DCLRE1C: variants seen among roughly 807,000 people sequenced by gnomAD.
DCLRE1C encodes the protein DNA cross-link repair 1C, also known as protein artemis.
DCLRE1C carries 47 observed loss-of-function variants against 61.4 expected under a neutral mutation model. The ratio of observed to expected loss-of-function variants is 0.77; its 90% CI spans 0.61 to 0.98. DCLRE1C has a LOEUF of 0.98. Ranked by LOEUF, DCLRE1C falls within the 50% of genes least tolerant of loss-of-function variation. DCLRE1C has a pLI of 0.00. For synonymous variants in DCLRE1C, 337 were observed against 287.6 expected (o/e 1.17, Z -1.74); for missense variants, 858 against 816.0 (o/e 1.05, Z -0.63).
chr10:14,939,897 A>G (rs566909472), intron 3 of DCLRE1C, 28 bp from the exon 4 acceptor site: 2 of 1,551,554 alleles, frequency 1.3e-6, no homozygotes, highest in East Asian at 4.5e-5. Context: ...GAGACCATGT[A>G]TATAGCAGTT....
rs1459486949 is a variant in DCLRE1C at position 14,909,199 on chromosome 10, T to C, written c.1288A>G (p.Arg430Gly). The change falls in exon 14 of 14, where the codon AGA becomes GGA. Residue 430 changes from arginine to glycine, a missense_variant. By Grantham distance (125) the Arg-to-Gly change is moderately radical (BLOSUM62 -2). Coordinates refer to ENST00000378278, the MANE Select transcript of DCLRE1C (RefSeq NM_001033855.3). ...AVSEKQPEKL[R>G]QTPGCCRAEC... Reference sequence around the variant, plus strand: ...GCTCTGCAGCATCCTGGGGTTTGTCTCAGTTTTTCAGGCTGCTTTTCTGAT... The same window carrying C: ...GCTCTGCAGCATCCTGGGGTTTGTCCCAGTTTTTCAGGCTGCTTTTCTGAT... 9 of 1,614,024 alleles carry C rather than the reference T, an allele frequency of 5.6e-6. No individual in the cohort carries two copies. In the African/African-American group the frequency reaches 9.3e-5, roughly 17 times the overall value.
chr10:14,939,264 C>A (rs1032457781), intron 4 of DCLRE1C, among the ~76,000 whole-genome samples: 1 of 152,084 alleles, frequency 6.6e-6, no homozygotes, highest in African/African-American at 2.4e-5. Context: ...TGGTGAAACC[C>A]CTTCTCTACT....
intron 6 of DCLRE1C, 111 bp downstream of exon 6, chr10:14,935,352 G>T (rs1589069349): frequency 8.3e-7 from 1 of 1,206,384 alleles, no homozygotes; most frequent in Non-Finnish European, 1.2e-6. Flanking sequence ...TGTTATCCCA[G>T]CTACTTGGGA....
Position 14,925,225 on chromosome 10 carries a change from T to TTA in DCLRE1C, c.972+1617_972+1618insTA, listed in dbSNP as rs1257254208. 1.1e-4 allele frequency among the ~76,000 whole-genome samples: 12 copies of TTA among 109,326 alleles called. No homozygotes were observed. In the South Asian group the frequency reaches 2.1e-3, roughly 19 times the overall value. The allele number at this position is 109,326 out of a possible 152,430, so 71.7% of individuals were successfully genotyped here. A position where few individuals can be genotyped will look rare whatever the true frequency, so the allele number is the denominator to read the frequency against. On this transcript the variant is annotated intron_variant, in intron 11 of 13. Coordinates refer to ENST00000378278, the MANE Select transcript of DCLRE1C (RefSeq NM_001033855.3). Reference sequence around the variant, plus strand: ...AGACTTTTGAAGGGAATAAAGGATTTAAAAAAAAAAAAAAAAAAAAAAAGT... The same window carrying TTA: ...AGACTTTTGAAGGGAATAAAGGATTTTAAAAAAAAAAAAAAAAAAAAAAAAGT...
At chr10:14,946,682 G>A (rs1841743630) in intron 2 of DCLRE1C, among the ~76,000 whole-genome samples, 1 of 151,728 alleles carries the variant, frequency 6.6e-6, no homozygotes, top group Non-Finnish European at 1.5e-5. Context: ...TTTTTTTAGG[G>A]GGAGGGGAGC....
In DCLRE1C at chr10:14,908,192, G is replaced by A. The variant is rs895091421; in HGVS notation, c.*216C>T. 14 of 139,172 alleles carry A rather than the reference G, an allele frequency of 1.0e-4. No individual in the cohort carries two copies. Among genetic ancestry groups the A allele is most frequent in the South Asian group, 5.3e-4 (3 of 5,666 alleles). 8.6% of individuals were successfully genotyped at this position (139,172 alleles called of 1,614,324 possible). A position where few individuals can be genotyped will look rare whatever the true frequency, so the allele number is the denominator to read the frequency against. On this transcript the variant is annotated 3_prime_UTR_variant, in exon 14 of 14. Transcript: ENST00000378278. ...TTTTTTTTTTTTTTTTTTTTTGTAA[G>A]TAGAGACACATTTCACTGTGTTGGC...
intron 13 of DCLRE1C, among the ~76,000 whole-genome samples, chr10:14,911,484 T>C (rs1049857059): frequency 1.3e-5 from 2 of 152,060 alleles, no homozygotes; most frequent in Admixed American, 6.6e-5. Context: ...AAACAAATTA[T>C]CAGAAATTCA....
rs549022210 is a variant in DCLRE1C, at chr10:14,907,827, C to T, written c.*581G>A. 6.8e-6 allele frequency: 1 copy of T among 148,048 alleles called. No homozygotes were observed. Among genetic ancestry groups the T allele is most frequent in the Non-Finnish European group, 1.5e-5 (1 of 67,588 alleles). 9.2% of individuals were successfully genotyped at this position (148,048 alleles called of 1,614,324 possible). ...TTTACATTTAATGTAATCATTGATACGTATGGGTTTAGTTCTACCATTTTT... is the reference window on the plus strand; with the variant it reads ...TTTACATTTAATGTAATCATTGATATGTATGGGTTTAGTTCTACCATTTTT... On this transcript the variant is annotated 3_prime_UTR_variant, in exon 14 of 14. Coordinates refer to ENST00000378278, the MANE Select transcript of DCLRE1C (RefSeq NM_001033855.3).
intron 8 of DCLRE1C, among the ~76,000 whole-genome samples, chr10:14,933,426 C>G (rs1839352825): frequency 6.6e-6 from 1 of 152,148 alleles, no homozygotes; most frequent in Non-Finnish European, 1.5e-5. Context: ...CACTTGAGGT[C>G]AGGAGATCGA....
intron 1 of DCLRE1C, among the ~76,000 whole-genome samples, chr10:14,951,576 A>G (rs1842472909): frequency 6.6e-6 from 1 of 152,054 alleles, no homozygotes; most frequent in South Asian, 2.1e-4. Flanking sequence ...TGCCTTCAAC[A>G]CCAAAAAGGT....
At chr10:14,940,605 G>C (rs1291470437) in intron 3 of DCLRE1C, among the ~76,000 whole-genome samples, 1 of 152,076 alleles carries the variant, frequency 6.6e-6, no homozygotes, top group Non-Finnish European at 1.5e-5. Context: ...CTGGTTCTAA[G>C]TGCTGCCGAA....
At chr10:14,949,632 G>C (rs1842168401) in intron 1 of DCLRE1C, among the ~76,000 whole-genome samples, 1 of 152,216 alleles carries the variant, frequency 6.6e-6, no homozygotes, top group East Asian at 1.9e-4. Context: ...AACAGACACA[G>C]ACAACAGAAA....
chr10:14,920,410 C>G, intron 12 of DCLRE1C: 1 of 1,012,302 alleles, frequency 9.9e-7, no homozygotes. Flanking sequence ...CCAACTGCCT[C>G]CTCCTGGCAG....
Position 14,953,908 on chromosome 10 carries a change from G to C in DCLRE1C, c.103C>G (p.His35Asp), listed in dbSNP as rs121908159. ...RARAYFLSHC[H>D]KDHMKGLRAP... ...ACGCGCAGCCCTCACTCACCTTTGT[G>C]GCAGTGGGACAGGAAGTAGGCGCGG... The change falls in exon 1 of 14, where the codon CAC becomes GAC. Residue 35 changes from histidine to aspartate, a missense_variant. Around this residue, in one of 2 missense-constraint regions of DCLRE1C, gnomAD observed 843 missense variants for 783.5 expected, o/e 1.08. Coordinates refer to ENST00000378278, the MANE Select transcript of DCLRE1C (RefSeq NM_001033855.3). 8 of 1,613,976 alleles carry C rather than the reference G, an allele frequency of 5.0e-6. No homozygotes were observed. The highest frequency in any genetic ancestry group is 6.8e-6 in the Non-Finnish European group (8 of 1,179,918).
At chr10:14,952,530 G>C (rs1842600888) in intron 1 of DCLRE1C, among the ~76,000 whole-genome samples, 1 of 152,190 alleles carries the variant, frequency 6.6e-6, no homozygotes, top group Non-Finnish European at 1.5e-5. Flanking sequence ...GGAGGTTGCA[G>C]TGAACAGAGA....
Position 14,906,672 on chromosome 10 carries a change from C to T in DCLRE1C, c.*1736G>A, listed in dbSNP as rs2131747857. On this transcript the variant is annotated 3_prime_UTR_variant, in exon 14 of 14. Coordinates refer to ENST00000378278, the MANE Select transcript of DCLRE1C (RefSeq NM_001033855.3). ...CATGCAGCATCATGATAATGCATAT[C>T]AAGTGTTAGTTTAACTGATCTGCAA... Among the ~76,000 whole-genome samples, 1 of 152,296 alleles carries T rather than the reference C, an allele frequency of 6.6e-6. No homozygotes were observed. The highest frequency in any genetic ancestry group is 1.9e-4 in the East Asian group (1 of 5,190).
chr10:14,952,100 C>G (rs41304304), intron 1 of DCLRE1C, among the ~76,000 whole-genome samples: 1,839 of 152,274 alleles, frequency 0.012, 34 homozygotes, highest in African/African-American at 0.041. Flanking sequence ...AATGCACAAA[C>G]TTATGATGAT....
intron 1 of DCLRE1C, among the ~76,000 whole-genome samples, chr10:14,949,547 C>G (rs1277017921): frequency 6.6e-6 from 1 of 152,236 alleles, no homozygotes; most frequent in East Asian, 1.9e-4. Context: ...GTTTCGTCAT[C>G]TTCTCAGCCT....
chr10:14,950,940 C>G (rs1336345040), intron 1 of DCLRE1C, among the ~76,000 whole-genome samples: 2 of 152,214 alleles, frequency 1.3e-5, no homozygotes, highest in African/African-American at 4.8e-5. Context: ...GCCACTATCT[C>G]AGGTCTCAGG....
Sources: allele counts gnomAD v4.1 joint callset (sites outside exome capture counted in the v4.1 genomes callset), GRCh38; gene constraint gnomAD v4.1.1; regional missense constraint gnomAD v4.1.1; transcripts MANE v1.5; gene names NCBI Gene and HGNC (gene_info 2026-07-23, HGNC 2026-07-21).